RIMS2: variants seen among roughly 807,000 people sequenced by gnomAD.
RIMS2 encodes the protein regulating synaptic membrane exocytosis protein 2.
In RIMS2, 59 loss-of-function variants were observed where a neutral mutation model predicts 174.4. The observed-to-expected ratio is 0.34, with a 90% CI of 0.27 to 0.42. The LOEUF is 0.42. Ranked by LOEUF, RIMS2 falls within the 10% of genes least tolerant of loss-of-function variation. RIMS2 has a pLI of 1.00. For missense variants in RIMS2, 1,620 were observed against 1,666.3 expected (o/e 0.97, Z 0.48); for synonymous variants, 606 against 572.5 (o/e 1.06, Z -0.84).
chr8:103,755,574 C>G (rs2097983256), intron 2 of RIMS2, among the ~76,000 whole-genome samples: 1 of 152,170 alleles, frequency 6.6e-6, no homozygotes, highest in Non-Finnish European at 1.5e-5. Flanking sequence ...ACCAGTCAAA[C>G]ATAGATTTGG....
chr8:103,700,414 GTC>G lies in RIMS2; in HGVS notation c.387+3128_387+3129del, dbSNP rs777372279. Among the ~76,000 whole-genome samples the G allele has an allele frequency of 5.9e-5, 9 of 151,390 alleles. 1 individual carries two copies. The highest frequency in any genetic ancestry group is 4.0e-4 in the Admixed American group (6 of 15,182). ...ACTCTCTCTTTCTCTCTGTCTCTCT[GTC>G]TCTCTCTCTATCTAGATGTATATTT... On this transcript the variant is annotated intron_variant, in intron 2 of 23. Coordinates refer to ENST00000504942, the Ensembl canonical transcript of RIMS2.
At chr8:103,624,546 A>G (rs1029080979) in intron 1 of RIMS2, among the ~76,000 whole-genome samples, 2 of 152,300 alleles carry the variant, frequency 1.3e-5, no homozygotes, top group East Asian at 1.9e-4. Context: ...AAGGTTTATT[A>G]TAAGAATTTC....
intron 1 of RIMS2, among the ~76,000 whole-genome samples, chr8:103,627,752 C>T (rs1181938632): frequency 6.6e-6 from 1 of 152,202 alleles, no homozygotes; most frequent in East Asian, 1.9e-4. Flanking sequence ...GAACTACTGA[C>T]TTAACATGTT....
At chr8:104,018,649 T>A (rs2095994383) in intron 19 of RIMS2, among the ~76,000 whole-genome samples, 2 of 152,180 alleles carry the variant, frequency 1.3e-5, no homozygotes, top group African/African-American at 2.4e-5. Flanking sequence ...TATTTTATCA[T>A]GTGTTATGGT....
At chr8:104,109,635 T>C (rs1264340400) in intron 19 of RIMS2, among the ~76,000 whole-genome samples, 1 of 152,168 alleles carries the variant, frequency 6.6e-6, no homozygotes, top group African/African-American at 2.4e-5. Context: ...AAAAGTAAAT[T>C]TATAAAATTC....
chr8:103,927,572 T>A (rs2079017304), intron 10 of RIMS2, among the ~76,000 whole-genome samples: 1 of 151,600 alleles, frequency 6.6e-6, no homozygotes, highest in African/African-American at 2.4e-5. Context: ...TTATTTTATA[T>A]CCAGTCTTAA....
chr8:104,158,781 G>A (rs2098741845), intron 19 of RIMS2, among the ~76,000 whole-genome samples: 1 of 152,020 alleles, frequency 6.6e-6, no homozygotes, highest in Non-Finnish European at 1.5e-5. Context: ...GTTCTTTGTA[G>A]ATTCTGGATA....
chr8:103,912,462 A>G (rs2075858142), intron 6 of RIMS2, among the ~76,000 whole-genome samples: 2 of 152,180 alleles, frequency 1.3e-5, no homozygotes, highest in Non-Finnish European at 2.9e-5. Context: ...TATTTTAATT[A>G]TACAGTTTAT....
chr8:103,679,879 C>T (rs1249812686), intron 1 of RIMS2, among the ~76,000 whole-genome samples: 1 of 151,886 alleles, frequency 6.6e-6, no homozygotes, highest in Non-Finnish European at 1.5e-5. Context: ...GCCTGTGGAC[C>T]AAAATCCTGC....
chr8:103,761,265 G>T (rs13249634), intron 2 of RIMS2, among the ~76,000 whole-genome samples: 34,954 of 152,088 alleles, frequency 0.23, 4,306 homozygotes, highest in Non-Finnish European at 0.25. Context: ...CCTGGTAATG[G>T]ATTGTTCTTC....
At chr8:103,505,744 C>T (rs530228145) in intron 1 of RIMS2, among the ~76,000 whole-genome samples, 17 of 152,198 alleles carry the variant, frequency 1.1e-4, no homozygotes, top group East Asian at 3.9e-4. Flanking sequence ...CCCACATCCT[C>T]GCCAACTCAG....
chr8:103,984,976 A>G (rs902381081), intron 16 of RIMS2, among the ~76,000 whole-genome samples: 1 of 152,178 alleles, frequency 6.6e-6, no homozygotes, highest in Non-Finnish European at 1.5e-5. Flanking sequence ...TTTGTGGGAT[A>G]TAAAAATCAA....
rs144190788 is a variant in RIMS2 at position 104,200,972 on chromosome 8, T to C, written c.3335-43944T>C. Among the ~76,000 whole-genome samples the C allele has an allele frequency of 5.2e-3, 787 of 152,304 alleles. 5 individuals are homozygous for C. The highest frequency in any genetic ancestry group is 0.017 in the African/African-American group (726 of 41,558). On this transcript the variant is annotated intron_variant, in intron 19 of 23. Transcript: ENST00000504942. ...CTAAAACAAAGGTTGTTTTTGTTTT[T>C]GTTTTTCTCTCAACTTTGATTTTAG...
intron 1 of RIMS2, among the ~76,000 whole-genome samples, 170 bp from the exon 2 acceptor site, chr8:103,652,035 T>G (rs2096460830): frequency 6.6e-6 from 1 of 152,202 alleles, no homozygotes; most frequent in South Asian, 2.1e-4. Context: ...ATTCATTTTC[T>G]CTTTTTTGTG....
intron 3 of RIMS2, among the ~76,000 whole-genome samples, chr8:103,782,435 T>A (rs78299911): frequency 9.2e-6 from 1 of 108,458 alleles, no homozygotes; most frequent in Non-Finnish European, 2.3e-5. Flanking sequence ...ATAAATCCCG[T>A]GTGTGTGTGT....
chr8:104,157,421 A>G (rs969939274), intron 19 of RIMS2, among the ~76,000 whole-genome samples: 14 of 152,180 alleles, frequency 9.2e-5, no homozygotes, highest in African/African-American at 2.4e-4. Context: ...TTACCTGTTA[A>G]CCATTTTTAA....
chr8:103,667,505 T>C (rs748769133), intron 1 of RIMS2, among the ~76,000 whole-genome samples: 1 of 152,208 alleles, frequency 6.6e-6, no homozygotes, highest in Non-Finnish European at 1.5e-5. Flanking sequence ...CTGTTCTGTC[T>C]CTGACATTAT....
chr8:103,994,584 G>C (rs1303222193), intron 17 of RIMS2, among the ~76,000 whole-genome samples: 1 of 152,108 alleles, frequency 6.6e-6, no homozygotes, highest in Admixed American at 6.6e-5. Flanking sequence ...TGGTTCAGTG[G>C]AGAAGTGTAA....
intron 3 of RIMS2, among the ~76,000 whole-genome samples, chr8:103,849,799 AG>A (rs139293963): frequency 6.6e-6 from 1 of 152,150 alleles, no homozygotes; most frequent in Non-Finnish European, 1.5e-5. Flanking sequence ...TCTGTACCAT[AG>A]GGAGAAACAA....
Sources: gnomAD v4.1 joint callset for allele counts (sites outside exome capture counted in the v4.1 genomes callset) on GRCh38, gnomAD v4.1.1 for gene constraint, MANE v1.5 for transcripts, NCBI Gene and HGNC (gene_info 2026-07-23, HGNC 2026-07-21) for gene names.